Variants in ZAN observed in about 807,000 individuals in gnomAD.
The protein encoded by ZAN is zonadhesin.
A neutral mutation model predicts 286.2 loss-of-function variants in ZAN; 260 were observed. The observed-to-expected ratio is 0.91, with a 90% CI of 0.82 to 1.01. The LOEUF is 1.01. Ranked by LOEUF, ZAN falls within the 50% of genes least tolerant of loss-of-function variation. The pLI, the probability that ZAN is intolerant of heterozygous loss-of-function variation, is 0.00. For synonymous variants in ZAN, 1,368 were observed against 1,417.5 expected, an observed-to-expected ratio of 0.97 and a Z score of 0.79; for missense variants, 3,410 against 3,639.2, an observed-to-expected ratio of 0.94 and a Z score of 1.62.
At chr7:100,756,316 C>T (rs1172217410) in intron 15 of ZAN, among the ~76,000 whole-genome samples, 6 of 152,014 alleles carry the variant, frequency 3.9e-5, no homozygotes, top group African/African-American at 9.7e-5. Context: ...GTAATCCCAA[C>T]ACTTTAGCAG....
At chr7:100,768,849 T>G (rs988351858) in intron 27 of ZAN, 128 bp downstream of exon 27, 5 of 731,740 alleles carry the variant, frequency 6.8e-6, no homozygotes, top group Admixed American at 6.0e-5. Context: ...GGCAGGAAAC[T>G]GGCAATCTCT....
rs1203754138 is a variant in ZAN at position 100,737,768 on chromosome 7, A to G, written c.613+419A>G. ...GCTGGCTGTATTGGGTCTGCCAGGT[A>G]GAGCTATTAGGGCTTTGACTCTGGA... On this transcript the variant is annotated intron_variant, in intron 6 of 47. Transcript: ENST00000613979. Among the ~76,000 whole-genome samples the G allele has an allele frequency of 1.5e-5, 2 of 137,492 alleles. 1 individual carries two copies. Among genetic ancestry groups the G allele is most frequent in the Non-Finnish European group, 3.2e-5 (2 of 61,918 alleles). The allele number at this position is 137,492 out of a possible 152,430, so 90.2% of individuals were successfully genotyped here. A position where few individuals can be genotyped will look rare whatever the true frequency, so the allele number is the denominator to read the frequency against.
intron 35 of ZAN, among the ~76,000 whole-genome samples, chr7:100,780,138 A>G (rs1275634246): frequency 6.6e-6 from 1 of 151,726 alleles, no homozygotes; most frequent in African/African-American, 2.4e-5. Flanking sequence ...GGTTGTAGTG[A>G]GCCGAGATCG....
chr7:100,789,355 A>G lies in ZAN; in HGVS notation c.7357+8A>G. 6.2e-7 allele frequency: 1 copy of G among 1,612,436 alleles called. No homozygotes were observed. Among genetic ancestry groups the G allele is most frequent in the Non-Finnish European group, 8.5e-7 (1 of 1,179,032 alleles). ...GTGGAAGGAAAAATGCAGGTAATGG[A>G]GAGAGGGGAAAGAAGAGCAAAAGGG... On this transcript the variant is annotated splice_region_variant and intron_variant, in intron 39 of 47. Transcript: ENST00000613979.
intron 23 of ZAN, among the ~76,000 whole-genome samples, 171 bp downstream of exon 23, chr7:100,765,725 T>C (rs1809920319): frequency 6.6e-6 from 1 of 152,234 alleles, no homozygotes; most frequent in Non-Finnish European, 1.5e-5. Flanking sequence ...CTCGGCTCAC[T>C]GCAACTTCCG....
chr7:100,790,949 C>A lies in ZAN; in HGVS notation c.7365C>A (p.Ser2455=). 1 of 1,611,302 alleles carries A rather than the reference C, an allele frequency of 6.2e-7. No homozygotes were observed. The highest frequency in any genetic ancestry group is 8.5e-7 in the Non-Finnish European group (1 of 1,178,954). ...ACCCCCTTCCTCCCGCAGTGATCTC[C>A]CTACCCAGCATGTACGAGGGGCTTG... ...SFGGRKNAVI[S]LPSMYEGLVS... Residue 2455 remains serine, a synonymous_variant, in exon 40 of 48, where the codon TCC becomes TCA. Transcript: ENST00000613979.
chr7:100,762,744 C>CTTT (rs540403384), intron 20 of ZAN, among the ~76,000 whole-genome samples: 1 of 142,320 alleles, frequency 7.0e-6, no homozygotes, highest in African/African-American at 2.6e-5. Flanking sequence ...TCCACCCGCC[C>CTTT]TTTTTTTTTT....
At chr7:100,738,867 T>G (rs1411711574) in intron 7 of ZAN, among the ~76,000 whole-genome samples, 2 of 23,040 alleles carry the variant, frequency 8.7e-5, no homozygotes, top group African/African-American at 2.6e-4. Context: ...TCTCTTCCTC[T>G]TCTTCTTCTC....
In ZAN at chr7:100,797,749, C is replaced by T; in HGVS notation, c.*17C>T. ...GCCTGTTAAGTTGCTCAGTTTTGAGCTGTCTTCAGACAAGAAGATTAAATA... is the reference window on the plus strand; with the variant it reads ...GCCTGTTAAGTTGCTCAGTTTTGAGTTGTCTTCAGACAAGAAGATTAAATA... On this transcript the variant is annotated 3_prime_UTR_variant, in exon 48 of 48. Transcript: ENST00000613979. The T allele has an allele frequency of 1.2e-6, 2 of 1,613,810 alleles. No homozygotes were observed. The highest frequency in any genetic ancestry group is 1.7e-6 in the Non-Finnish European group (2 of 1,179,850).
chr7:100,755,274 C>T lies in ZAN; in HGVS notation c.3173C>T (p.Ser1058Leu), dbSNP rs199677862. Residue 1058 changes from serine (S) to leucine (L), a missense_variant, in exon 15 of 48, where the codon TCG becomes TTG. By Grantham distance (145) the Ser-to-Leu change is moderately radical. Coordinates refer to ENST00000613979, the MANE Select transcript of ZAN (RefSeq NM_003386.3). The part of the protein sequence containing the change: ...ARYESCACPA[S>L]CKSPRPSCGP... ...TACGAATCCTGTGCTTGTCCTGCTT[C>T]GTGCAAGAGCCCCAGGCCTAGCTGT... is the stretch of plus-strand genomic sequence containing the variant. The T allele has an allele frequency of 1.8e-5, 29 of 1,613,748 alleles. No individual in the cohort carries two copies. The highest frequency in any genetic ancestry group is 3.3e-5 in the Admixed American group (2 of 59,988).
Position 100,772,022 on chromosome 7 carries a change from TGA to T in ZAN, c.5425+4_5425+5del, listed in dbSNP as rs751113750. Reference sequence around the variant, plus strand: ...CCTGGCGGAACAGAACCTTCTGCCGTGAGTGACTGGCCACCTGTTCCCACAGC... The same window carrying T: ...CCTGGCGGAACAGAACCTTCTGCCGTGTGACTGGCCACCTGTTCCCACAGC... On this transcript the variant is annotated splice_donor_region_variant and intron_variant, in intron 29 of 47. Coordinates refer to ENST00000613979, the MANE Select transcript of ZAN (RefSeq NM_003386.3). 7 of 1,588,306 alleles carry T rather than the reference TGA, an allele frequency of 4.4e-6. No homozygotes were observed. Among genetic ancestry groups the T allele is most frequent in the Non-Finnish European group, 6.0e-6 (7 of 1,168,338 alleles).
At chr7:100,766,823 G>T (rs1238028226) in intron 24 of ZAN, among the ~76,000 whole-genome samples, 157 bp downstream of exon 24, 3 of 152,190 alleles carry the variant, frequency 2.0e-5, no homozygotes, top group African/African-American at 4.8e-5. Flanking sequence ...AAAGGGTGAG[G>T]TTGGGGACGT....
At position 100,752,106 on chromosome 7, in the gene ZAN, G is replaced by A. The variant is rs374633942; in HGVS notation, c.2001G>A (p.Glu667=). The A allele has an allele frequency of 1.2e-4, 194 of 1,579,978 alleles. No homozygotes were observed. The highest frequency in any genetic ancestry group is 1.7e-4 in the Middle Eastern group (1 of 5,920). Residue 667 remains glutamate (E), a synonymous_variant, in exon 14 of 48, where the codon GAG becomes GAA. Coordinates refer to ENST00000613979, the MANE Select transcript of ZAN (RefSeq NM_003386.3). ...AAGAGCCCACCACCCCCACTGAGGA[G>A]ACCACCACCTCCATGGAAGAGCCTG... The part of the protein sequence containing the change: ...PTEEPTTPTE[E]TTTSMEEPVI...
chr7:100,776,718 CTTTTTTTT>C (rs1161585746), intron 34 of ZAN, among the ~76,000 whole-genome samples, 154 bp downstream of exon 34: 1 of 47,502 alleles, frequency 2.1e-5, no homozygotes, highest in South Asian at 1.7e-3. Flanking sequence ...CCTCTCCTTT[CTTTTTTTT>C]TTTTTTTTTT....
At position 100,773,361 on chromosome 7, in the gene ZAN, C is replaced by A. The variant is rs780423702; in HGVS notation, c.5502C>A (p.Asn1834Lys). Reference protein sequence around the residue: ...PCPDTCSSINNPRDCPKALPC... With the variant: ...PCPDTCSSINKPRDCPKALPC... ...CAGACACCTGCAGCAGCATAAACAA[C>A]CCGAGGGACTGCCCCAAAGCACTGC... The change falls in exon 30 of 48, where the codon AAC (asparagine) becomes AAA (lysine). Residue 1834 changes from asparagine to lysine, a missense_variant. Coordinates refer to ENST00000613979, the MANE Select transcript of ZAN (RefSeq NM_003386.3). 8.7e-6 allele frequency: 14 copies of A among 1,613,994 alleles called. No homozygotes were observed. The highest frequency in any genetic ancestry group is 1.2e-5 in the Non-Finnish European group (14 of 1,179,890).
chr7:100,765,572 C>T lies in ZAN; in HGVS notation c.4470+18C>T. 1 of 1,580,202 alleles carries T rather than the reference C, an allele frequency of 6.3e-7. No homozygotes were observed. The highest frequency in any genetic ancestry group is 8.6e-7 in the Non-Finnish European group (1 of 1,163,810). On this transcript the variant is annotated intron_variant, in intron 23 of 47. Coordinates refer to ENST00000613979, the MANE Select transcript of ZAN (RefSeq NM_003386.3). ...ACTTCAAGGTGAGCGGCTGCGTGGACCTCTCAGCCCTGCAGCTAGAAAGGG... is the reference window on the plus strand; with the variant it reads ...ACTTCAAGGTGAGCGGCTGCGTGGATCTCTCAGCCCTGCAGCTAGAAAGGG...
chr7:100,779,852 A>T, intron 35 of ZAN, 102 bp downstream of exon 35: 1 of 1,239,954 alleles, frequency 8.1e-7, no homozygotes, highest in Non-Finnish European at 1.1e-6. Context: ...TTCCTGACTA[A>T]CTCAGCCCTC....
intron 9 of ZAN, 119 bp downstream of exon 9, chr7:100,747,760 G>A (rs1584558211): frequency 2.9e-6 from 3 of 1,020,440 alleles, no homozygotes; most frequent in East Asian, 5.1e-5. Context: ...GGAGGCTGAG[G>A]AGGGAGGATC....
chr7:100,771,595 C>A lies in ZAN; in HGVS notation c.5249-249C>A, dbSNP rs182311918. Among the ~76,000 whole-genome samples, 129 of 152,166 alleles carry A rather than the reference C, an allele frequency of 8.5e-4. 1 individual carries two copies. Among genetic ancestry groups the A allele is most frequent in the African/African-American group, 3.0e-3 (123 of 41,528 alleles). On this transcript the variant is annotated intron_variant, in intron 28 of 47. Coordinates refer to ENST00000613979, the MANE Select transcript of ZAN (RefSeq NM_003386.3). ...TACAGGTGCCCTCTACTATGCCCTGCTAATTTTTGTATTTTTAGTAGAGAT... is the reference window on the plus strand; with the variant it reads ...TACAGGTGCCCTCTACTATGCCCTGATAATTTTTGTATTTTTAGTAGAGAT...
Sources: gnomAD v4.1 joint callset for allele counts (sites outside exome capture counted in the v4.1 genomes callset) on GRCh38, gnomAD v4.1.1 for gene constraint, MANE v1.5 for transcripts, NCBI Gene and HGNC (gene_info 2026-07-23, HGNC 2026-07-21) for gene names.